The following COL6A3 variants were observed in gnomAD, a reference collection of about 807,000 sequenced individuals.
COL6A3 encodes the protein collagen type VI alpha 3 chain.
A neutral mutation model predicts 274.1 loss-of-function variants in COL6A3; 137 were observed. The observed-to-expected ratio is 0.50, with a 90% CI of 0.44 to 0.58. The LOEUF is 0.58. COL6A3 is among the 20% of genes least tolerant of loss of function. The probability of loss-of-function intolerance (pLI) is 0.00; values close to 1 mark genes in which losing one functional copy is unlikely to be tolerated. For synonymous variants in COL6A3, 1,650 were observed against 1,650.6 expected, an observed-to-expected ratio of 1.00 and a Z score of 0.01; for missense variants, 3,950 against 4,124.9, an observed-to-expected ratio of 0.96 and a Z score of 1.16.
intron 4 of COL6A3, among the ~76,000 whole-genome samples, chr2:237,382,209 C>A (rs1388577777): frequency 6.6e-6 from 1 of 151,996 alleles, no homozygotes; most frequent in Non-Finnish European, 1.5e-5. Context: ...AAGGGGAAAC[C>A]CCATCACTAC....
At chr2:237,404,988 C>A (rs1003640662) in intron 1 of COL6A3, among the ~76,000 whole-genome samples, 1 of 151,794 alleles carries the variant, frequency 6.6e-6, no homozygotes, top group African/African-American at 2.4e-5. Flanking sequence ...CATTGGAACA[C>A]AAAGTAATGG....
intron 24 of COL6A3, 122 bp downstream of exon 24, chr2:237,354,777 A>G: frequency 1.2e-6 from 1 of 827,524 alleles, no homozygotes; most frequent in Non-Finnish European, 1.9e-6. Flanking sequence ...TCAACTTTCT[A>G]AATTGATTGG....
intron 1 of COL6A3, among the ~76,000 whole-genome samples, chr2:237,412,256 TG>T (rs2106410799): frequency 1.3e-5 from 2 of 152,160 alleles, no homozygotes; most frequent in South Asian, 4.2e-4. Flanking sequence ...CCCCAGGAGG[TG>T]GCCTGAGCAG....
intron 7 of COL6A3, among the ~76,000 whole-genome samples, chr2:237,375,365 G>T (rs2077810013): frequency 6.6e-6 from 1 of 152,212 alleles, no homozygotes; most frequent in Middle Eastern, 3.2e-3. Flanking sequence ...GGCAAGGAAT[G>T]CAGGCAGCCC....
chr2:237,359,245 T>C lies in COL6A3; in HGVS notation c.6315A>G (p.Glu2105=). 6.2e-7 allele frequency: 1 copy of C among 1,614,246 alleles called. No individual in the cohort carries two copies. The highest frequency in any genetic ancestry group is 8.5e-7 in the Non-Finnish European group (1 of 1,180,048). The change falls in exon 19 of 44, where the codon GAA becomes GAG. Residue 2105 remains glutamate, a synonymous_variant. Transcript: ENST00000295550. ...GACCATCCAGTCCAATTTCTCCTACTTCGCCCTAAGAGGGAATAAGGCGGA... is the reference window on the plus strand; with the variant it reads ...GACCATCCAGTCCAATTTCTCCTACCTCGCCCTAAGAGGGAATAAGGCGGA... ...GSRGFPGEKG[E]VGEIGLDGLD...
chr2:237,357,723 C>A, intron 22 of COL6A3, 94 bp downstream of exon 22: 1 of 1,283,018 alleles, frequency 7.8e-7, no homozygotes, highest in South Asian at 1.2e-5. Flanking sequence ...TTAAAGGCCA[C>A]GTCTTTGGCC....
intron 3 of COL6A3, among the ~76,000 whole-genome samples, chr2:237,392,968 T>C (rs1024980850): frequency 3.3e-5 from 5 of 152,122 alleles, no homozygotes; most frequent in African/African-American, 1.2e-4. Context: ...ACTTGCACAC[T>C]CAGCTGTCTC....
At chr2:237,328,841 G>T (rs1700083390) in intron 42 of COL6A3, 1 of 152,154 alleles carries the variant, frequency 6.6e-6, no homozygotes, top group South Asian at 2.1e-4. Context: ...TGTTTATGCT[G>T]CAATCATCAA....
rs2077572786 is a variant in COL6A3 at position 237,367,083 on chromosome 2, T to A, written c.5104A>T (p.Ile1702Phe). 2 of 1,614,226 alleles carry A rather than the reference T, an allele frequency of 1.2e-6. No individual in the cohort carries two copies. Among genetic ancestry groups the A allele is most frequent in the South Asian group, 1.1e-5 (1 of 91,086 alleles). The change falls in exon 11 of 44, where the codon ATT becomes TTT. Residue 1702 changes from isoleucine to phenylalanine, a missense_variant. Around this residue, in one of 5 missense-constraint regions of COL6A3, gnomAD observed 632 missense variants for 623.4 expected, o/e 1.01. Transcript: ENST00000295550. ...FLKDFSTKRQ[I>F]IDAINKVVYK... ...ACCACTTTGTTGATGGCGTCAATAA[T>A]CTGCCTCTTGGTAGAGAAGTCCTTC...
At chr2:237,363,059 T>G (rs2077472322) in intron 14 of COL6A3, among the ~76,000 whole-genome samples, 194 bp downstream of exon 14, 1 of 152,116 alleles carries the variant, frequency 6.6e-6, no homozygotes. Context: ...TCCAGCGATT[T>G]GCTATCTCCA....
intron 4 of COL6A3, among the ~76,000 whole-genome samples, chr2:237,383,280 C>T (rs1031176647): frequency 6.6e-6 from 1 of 152,152 alleles, no homozygotes; most frequent in Non-Finnish European, 1.5e-5. Flanking sequence ...TGTTATGCAC[C>T]AACGTCCTTA....
chr2:237,353,516 C>G, intron 24 of COL6A3, 113 bp from the exon 25 acceptor site: 1 of 871,586 alleles, frequency 1.1e-6, no homozygotes. Flanking sequence ...AGGGAAAACT[C>G]AGCTCTTCCA....
At chr2:237,370,420 G>A (rs1002777435) in intron 9 of COL6A3, among the ~76,000 whole-genome samples, 1 of 151,264 alleles carries the variant, frequency 6.6e-6, no homozygotes, top group African/African-American at 2.4e-5. Flanking sequence ...TGTATTTTGA[G>A]TAGAGATGGG....
intron 3 of COL6A3, among the ~76,000 whole-genome samples, chr2:237,392,951 G>A (rs1287231328): frequency 3.3e-5 from 5 of 152,056 alleles, no homozygotes; most frequent in African/African-American, 4.8e-5. Context: ...CACCAGCAGC[G>A]TCTCCAACTT....
At position 237,358,887 on chromosome 2, in the gene COL6A3, G is replaced by T; in HGVS notation, c.6408+148C>A. ...TACTGTAATGTGTCAGAGCTGAGAGGGGATGTAATGGGTGCACTCACAGGG... is the reference window on the plus strand; with the variant it reads ...TACTGTAATGTGTCAGAGCTGAGAGTGGATGTAATGGGTGCACTCACAGGG... On this transcript the variant is annotated intron_variant, in intron 20 of 43. Transcript: ENST00000295550. 1.1e-5 allele frequency: 9 copies of T among 846,178 alleles called. No homozygotes were observed. The South Asian group carries it at 1.2e-4, about 12-fold the overall frequency. 52.4% of individuals were successfully genotyped at this position (846,178 alleles called of 1,614,324 possible). A position where few individuals can be genotyped will look rare whatever the true frequency, so the allele number is the denominator to read the frequency against.
Position 237,353,325 on chromosome 2 carries a change from ACACGGAAG to A in COL6A3, c.6690+8_6690+15del. ...GAAATATCAGAGGGCACACAGTCAC[ACACGGAAG>A]CACTCACCTGTGCACCTCTGGTCCC... On this transcript the variant is annotated splice_region_variant and intron_variant, in intron 25 of 43. Transcript: ENST00000295550. The A allele has an allele frequency of 6.2e-7, 1 of 1,613,298 alleles. No homozygotes were observed. Among genetic ancestry groups the A allele is most frequent in the East Asian group, 2.2e-5 (1 of 44,880 alleles).
chr2:237,344,766 A>T lies in COL6A3; in HGVS notation c.7252T>A (p.Phe2418Ile). Residue 2418 changes from phenylalanine to isoleucine, a missense_variant, in exon 36 of 44, where the codon TTC (phenylalanine) becomes ATC (isoleucine). By Grantham distance (21) the Phe-to-Ile change is conservative. This residue lies in a region of COL6A3 where 1,284 missense variants were observed against 1,349.7 expected (regional missense o/e 0.95). Transcript: ENST00000295550. The surrounding 1 kb of genome is among the most constrained non-coding windows in gnomAD (Gnocchi z 4.8). ...AAGACCACATCTCGCATCCGGCCGA[A>T]AGTGTCTTGGTTGACTCCCTCAGAG... ...DTSEGVNQDT[F>I]GRMRDVVLSI... 6.2e-7 allele frequency: 1 copy of T among 1,602,704 alleles called. No individual in the cohort carries two copies. Among genetic ancestry groups the T allele is most frequent in the Non-Finnish European group, 8.5e-7 (1 of 1,174,866 alleles).
intron 14 of COL6A3, among the ~76,000 whole-genome samples, chr2:237,362,032 G>A (rs112748563): frequency 8.5e-5 from 13 of 152,266 alleles, no homozygotes; most frequent in African/African-American, 2.6e-4. Context: ...CCTGGCGGTC[G>A]GGGTGCAGAT....
chr2:237,347,029 T>A (rs2077110684), intron 31 of COL6A3, among the ~76,000 whole-genome samples: 1 of 151,978 alleles, frequency 6.6e-6, no homozygotes, highest in Non-Finnish European at 1.5e-5. Flanking sequence ...AGGCTGAAAA[T>A]AACTGTTAGC....
Sources: allele counts gnomAD v4.1 joint callset (sites outside exome capture counted in the v4.1 genomes callset), GRCh38; gene constraint gnomAD v4.1.1; regional missense constraint gnomAD v4.1.1; non-coding constraint Gnocchi (gnomAD v3.1); transcripts MANE v1.5; gene names NCBI Gene and HGNC (gene_info 2026-07-23, HGNC 2026-07-21).